The following CHIA variants were observed in gnomAD, a reference collection of about 807,000 sequenced individuals.
CHIA encodes the protein acidic mammalian chitinase.
In CHIA, 47 loss-of-function variants were observed where a neutral mutation model predicts 53.5. The ratio of observed to expected loss-of-function variants is 0.88; its 90% CI spans 0.70 to 1.12. CHIA has a LOEUF of 1.12. Ranked by LOEUF, CHIA falls within the 50% of genes most tolerant of loss-of-function variation. The probability of loss-of-function intolerance (pLI) is 0.00; values close to 1 mark genes in which losing one functional copy is unlikely to be tolerated. For synonymous variants in CHIA, 268 were observed against 222.2 expected (o/e 1.21, Z -1.83); for missense variants, 652 against 592.2 (o/e 1.10, Z -1.05).
intron 1 of CHIA, among the ~76,000 whole-genome samples, chr1:111,307,037 T>C (rs981988978): frequency 8.5e-5 from 13 of 152,254 alleles, no homozygotes; most frequent in Non-Finnish European, 1.8e-4. Context: ...GGAAGAAACT[T>C]TCTAGCTAAA....
At chr1:111,313,030 C>T (rs939713295) in intron 4 of CHIA, among the ~76,000 whole-genome samples, 3 of 152,146 alleles carry the variant, frequency 2.0e-5, no homozygotes, top group African/African-American at 7.2e-5. Context: ...ATAAAGACCA[C>T]ATTTTCTTTG....
At position 111,299,450 on chromosome 1, in the gene CHIA, A is replaced by G. The variant is rs536285875; in HGVS notation, c.-69+8500A>G. Among the ~76,000 whole-genome samples, 6 of 152,372 alleles carry G rather than the reference A, an allele frequency of 3.9e-5. No individual in the cohort carries two copies. In the South Asian group the frequency reaches 1.2e-3, roughly 32 times the overall value. Reference sequence around the variant, plus strand: ...TGGTTAAACATATGCAAATCAGTAAACATAATCCATCCCATAAACAGAACC... The same window carrying G: ...TGGTTAAACATATGCAAATCAGTAAGCATAATCCATCCCATAAACAGAACC... On this transcript the variant is annotated intron_variant, in intron 1 of 11. Coordinates refer to ENST00000369740, the MANE Select transcript of CHIA (RefSeq NM_201653.4).
rs35562130 is a variant in CHIA, at chr1:111,301,705, C to CAAA, written c.-68-8676_-68-8674dup. ...GGGCAACAAAGCAAGACTCTCTCTC[C>CAAA]AAAAAAAAAAAAAAAAAAAAAGATG... On this transcript the variant is annotated intron_variant, in intron 1 of 11. Transcript: ENST00000369740. 6.6e-3 allele frequency among the ~76,000 whole-genome samples: 700 copies of CAAA among 105,396 alleles called. 11 individuals are homozygous for CAAA. Among genetic ancestry groups the CAAA allele is most frequent in the African/African-American group, 0.025 (640 of 25,234 alleles). 69.1% of individuals were successfully genotyped at this position (105,396 alleles called of 152,430 possible). A position where few individuals can be genotyped will look rare whatever the true frequency, so the allele number is the denominator to read the frequency against.
chr1:111,312,407 T>G lies in CHIA; in HGVS notation c.257+16T>G. The G allele has an allele frequency of 1.3e-6, 2 of 1,587,610 alleles. No homozygotes were observed. The highest frequency in any genetic ancestry group is 1.7e-6 in the Non-Finnish European group (2 of 1,155,852). On this transcript the variant is annotated intron_variant, in intron 4 of 11. Coordinates refer to ENST00000369740, the MANE Select transcript of CHIA (RefSeq NM_201653.4). Reference sequence around the variant, plus strand: ...TGAAAAATAAGTAGGATGAGGGAGATATTTAATTTGGCATCCCCTTTTTCA... The same window carrying G: ...TGAAAAATAAGTAGGATGAGGGAGAGATTTAATTTGGCATCCCCTTTTTCA...
chr1:111,318,419 A>T (rs1649351190), intron 8 of CHIA, 74 bp from the exon 9 acceptor site: 1 of 1,264,326 alleles, frequency 7.9e-7, no homozygotes, highest in South Asian at 1.4e-5. Context: ...TACCTGTCGG[A>T]ATAGGGGACT....
chr1:111,297,124 G>T (rs1419999309), intron 1 of CHIA, among the ~76,000 whole-genome samples: 1 of 152,216 alleles, frequency 6.6e-6, no homozygotes, highest in South Asian at 2.1e-4. Context: ...GTGACAGGGA[G>T]AATGGAACCA....
chr1:111,312,306 T>C lies in CHIA; in HGVS notation c.172T>C (p.Phe58Leu). The C allele has an allele frequency of 6.2e-7, 1 of 1,614,104 alleles. No individual in the cohort carries two copies. The highest frequency in any genetic ancestry group is 8.5e-7 in the Non-Finnish European group (1 of 1,179,998). The change falls in exon 4 of 12, where the codon TTT becomes CTT. Residue 58 changes from phenylalanine to leucine, a missense_variant. Coordinates refer to ENST00000369740, the MANE Select transcript of CHIA (RefSeq NM_201653.4). ...CCTCTGTACCCACCTGATCTACGCC[T>C]TTGCTGGGAGGCAGAACAACGAGAT... ...PCLCTHLIYA[F>L]AGRQNNEITT...
Position 111,320,490 on chromosome 1 carries a change from A to G in CHIA, c.*24A>G. 3 of 1,603,430 alleles carry G rather than the reference A, an allele frequency of 1.9e-6. No individual in the cohort carries two copies. In the South Asian group the frequency reaches 3.3e-5, roughly 18 times the overall value. On this transcript the variant is annotated 3_prime_UTR_variant, in exon 12 of 12. Coordinates refer to ENST00000369740, the MANE Select transcript of CHIA (RefSeq NM_201653.4). Reference sequence around the variant, plus strand: ...AAACCTGACCTGGTCTATATTCCCTAGAGTTCCAGTCTCTTTTGCTTAGGA... The same window carrying G: ...AAACCTGACCTGGTCTATATTCCCTGGAGTTCCAGTCTCTTTTGCTTAGGA...
intron 1 of CHIA, among the ~76,000 whole-genome samples, chr1:111,305,897 G>T (rs1648141911): frequency 6.6e-6 from 1 of 152,212 alleles, no homozygotes; most frequent in Admixed American, 6.5e-5. Flanking sequence ...TAGTGATATT[G>T]CTGGAATTAA....
At position 111,312,252 on chromosome 1, in the gene CHIA, C is replaced by T. The variant is rs373325850; in HGVS notation, c.118C>T (p.Arg40Cys). The change falls in exon 4 of 12, where the codon CGC (arginine) becomes TGC (cysteine). Residue 40 changes from arginine to cysteine, a missense_variant. Physicochemically the swap from Arg to Cys is radical, Grantham distance 180. Transcript: ENST00000369740. Reference protein sequence around the residue: ...NWAQYRPGLGRFMPDNIDPCL... With the variant: ...NWAQYRPGLGCFMPDNIDPCL... ...GGCCCAGTACCGGCCAGGCCTGGGG[C>T]GCTTCATGCCTGACAACATCGACCC... The T allele has an allele frequency of 5.0e-5, 81 of 1,613,930 alleles. No homozygotes were observed. The highest frequency in any genetic ancestry group is 4.9e-4 in the Middle Eastern group (3 of 6,084).
At position 111,314,883 on chromosome 1, in the gene CHIA, G is replaced by A. The variant is rs529573548; in HGVS notation, c.314+287G>A. 5 of 444,988 alleles carry A rather than the reference G, an allele frequency of 1.1e-5. No homozygotes were observed. In the East Asian group the frequency reaches 2.0e-4, roughly 18 times the overall value. 27.6% of individuals were successfully genotyped at this position (444,988 alleles called of 1,614,324 possible). A position where few individuals can be genotyped will look rare whatever the true frequency, so the allele number is the denominator to read the frequency against. On this transcript the variant is annotated intron_variant, in intron 5 of 11. Coordinates refer to ENST00000369740, the MANE Select transcript of CHIA (RefSeq NM_201653.4). Reference sequence around the variant, plus strand: ...AAAGTATTTCAAGAGTACAAACCCTGAGGACAGTGTTATAATGCTTCCCTC... The same window carrying A: ...AAAGTATTTCAAGAGTACAAACCCTAAGGACAGTGTTATAATGCTTCCCTC...
chr1:111,295,976 A>T (rs575252423), intron 1 of CHIA, among the ~76,000 whole-genome samples: 1 of 152,190 alleles, frequency 6.6e-6, no homozygotes, highest in Non-Finnish European at 1.5e-5. Flanking sequence ...GCAGTCTGAG[A>T]TTGACCTGTG....
intron 1 of CHIA, among the ~76,000 whole-genome samples, chr1:111,301,999 G>C (rs11102240): frequency 0.63 from 95,357 of 151,880 alleles, 30,179 homozygotes; most frequent in African/African-American, 0.68. Flanking sequence ...CATATGTATA[G>C]CTATGTAACA....
At chr1:111,310,810 C>T (rs1557741867) in intron 2 of CHIA, among the ~76,000 whole-genome samples, 2 of 152,108 alleles carry the variant, frequency 1.3e-5, no homozygotes, top group East Asian at 3.8e-4. Context: ...ACTCTTCTTC[C>T]TACGCCATCT....
At position 111,304,960 on chromosome 1, in the gene CHIA, T is replaced by C. The variant is rs200296779; in HGVS notation, c.-68-5440T>C. 1.6e-4 allele frequency among the ~76,000 whole-genome samples: 24 copies of C among 152,252 alleles called. No individual in the cohort carries two copies. In the East Asian group the frequency reaches 4.2e-3, roughly 27 times the overall value. On this transcript the variant is annotated intron_variant, in intron 1 of 11. Coordinates refer to ENST00000369740, the MANE Select transcript of CHIA (RefSeq NM_201653.4). ...TTTTTATTTTTTAGAGATGTGATCT[T>C]TCTGTGTTGCTCAGGCTGGCCTCAA...
At chr1:111,318,348 A>C in intron 8 of CHIA, 145 bp from the exon 9 acceptor site, 1 of 848,286 alleles carries the variant, frequency 1.2e-6, no homozygotes, top group Non-Finnish European at 1.8e-6. Context: ...CATTAACTAC[A>C]ACTTCACCAA....
chr1:111,312,248 G>A lies in CHIA; in HGVS notation c.114G>A (p.Leu38=). The change falls in exon 4 of 12, where the codon CTG becomes CTA. Residue 38 remains leucine (L), a synonymous_variant. Coordinates refer to ENST00000369740, the MANE Select transcript of CHIA (RefSeq NM_201653.4). ...ACTGGGCCCAGTACCGGCCAGGCCT[G>A]GGGCGCTTCATGCCTGACAACATCG... ...FTNWAQYRPG[L]GRFMPDNIDP... is the part of the protein sequence containing the mutation. The A allele has an allele frequency of 6.2e-7, 1 of 1,614,072 alleles. No homozygotes were observed. The highest frequency in any genetic ancestry group is 1.1e-5 in the South Asian group (1 of 91,084).
intron 1 of CHIA, 148 bp from the exon 2 acceptor site, chr1:111,310,252 G>T: frequency 1.1e-6 from 1 of 931,812 alleles, no homozygotes; most frequent in Non-Finnish European, 1.5e-6. Context: ...CCATGACATT[G>T]TTCTGTCCTT....
At chr1:111,292,186 C>T (rs949232743) in intron 1 of CHIA, among the ~76,000 whole-genome samples, 27 of 152,100 alleles carry the variant, frequency 1.8e-4, no homozygotes, top group Non-Finnish European at 4.0e-4. Flanking sequence ...AAATAACTAA[C>T]ATGTGCTAGG....
Sources: allele counts gnomAD v4.1 joint callset (sites outside exome capture counted in the v4.1 genomes callset), GRCh38; gene constraint gnomAD v4.1.1; transcripts MANE v1.5; gene names NCBI Gene and HGNC (gene_info 2026-07-23, HGNC 2026-07-21).